Variants in TEX35 observed in about 807,000 individuals in gnomAD.
TEX35 encodes testis-expressed protein 35.
TEX35 carries 26 observed loss-of-function variants against 31.9 expected under a neutral mutation model. The ratio of observed to expected loss-of-function variants is 0.81; its 90% confidence interval spans 0.60 to 1.13. The LOEUF (loss-of-function observed/expected upper bound fraction) is 1.13. Among genes scored for constraint, TEX35 ranks in the 50% most tolerant of loss-of-function variants. TEX35 has a pLI of 0.00. For synonymous variants in TEX35, 87 were observed against 90.7 expected (o/e 0.96, Z 0.23); for missense variants, 278 against 273.5 (o/e 1.02, Z -0.12).
Position 178,513,930 on chromosome 1 carries a change from T to TG in TEX35, c.40-91dup, listed in dbSNP as rs1197954204. 4.2e-6 allele frequency: 6 copies of TG among 1,437,698 alleles called. No homozygotes were observed. In the African/African-American group the frequency reaches 4.2e-5, roughly 10 times the overall value. 89.1% of individuals were successfully genotyped at this position (1,437,698 alleles called of 1,614,324 possible). ...TTGGACAGGCAGGGTTGCATGGTTG[T>TG]GGGGGGCAGGGGGCAGGGTTCCCGT... is the stretch of plus-strand genomic sequence containing the variant. On this transcript the variant is annotated intron_variant, in intron 1 of 8. Transcript: ENST00000319416.
intron 8 of TEX35, chr1:178,521,664 C>T (rs1442943825): frequency 6.4e-7 from 1 of 1,552,124 alleles, no homozygotes; most frequent in Non-Finnish European, 8.7e-7. Flanking sequence ...TATGTGTTTC[C>T]AACCTAGCGC....
At chr1:178,517,921 T>C (rs1191905251) in intron 5 of TEX35, among the ~76,000 whole-genome samples, 2 of 152,224 alleles carry the variant, frequency 1.3e-5, no homozygotes, top group Admixed American at 1.3e-4. Flanking sequence ...TATTTAACTA[T>C]GTAAGATTTT....
intron 3 of TEX35, among the ~76,000 whole-genome samples, chr1:178,515,392 C>T (rs888126607): frequency 2.0e-5 from 3 of 152,146 alleles, no homozygotes; most frequent in African/African-American, 4.8e-5. Flanking sequence ...AGCCACTGCA[C>T]CTCGTCTGGG....
At chr1:178,516,540 T>A (rs926780894) in intron 4 of TEX35, 75 bp from the exon 5 acceptor site, 10 of 1,335,748 alleles carry the variant, frequency 7.5e-6, no homozygotes, top group Non-Finnish European at 1.1e-5. Context: ...TTGCTTAAAA[T>A]GCCTGAAAGA....
At chr1:178,522,712 T>C, downstream of TEX35, 4 of 1,085,090 alleles carry the variant, frequency 3.7e-6, no homozygotes, top group Non-Finnish European at 4.5e-6. Flanking sequence ...TGTATATATT[T>C]ATGGGGTACA....
At chr1:178,513,987 G>T in intron 1 of TEX35, 40 bp from the exon 2 acceptor site, 2 of 1,608,902 alleles carry the variant, frequency 1.2e-6, no homozygotes, top group Non-Finnish European at 1.7e-6. Context: ...CCCCAATCCT[G>T]ATGTCTGCCA....
At chr1:178,521,710 C>T (rs779569620) in intron 8 of TEX35, 2 of 1,551,866 alleles carry the variant, frequency 1.3e-6, no homozygotes, top group South Asian at 1.2e-5. Flanking sequence ...GATTCATCAC[C>T]TCCAAGCTCC....
chr1:178,522,522 T>C lies in TEX35; in HGVS notation c.*82T>C, dbSNP rs1650324598. 6 of 1,367,134 alleles carry C rather than the reference T, an allele frequency of 4.4e-6. No homozygotes were observed. The highest frequency in any genetic ancestry group is 4.8e-6 in the Non-Finnish European group (5 of 1,046,426). The allele number at this position is 1,367,134 out of a possible 1,614,324, so 84.7% of individuals were successfully genotyped here. A position where few individuals can be genotyped will look rare whatever the true frequency, so the allele number is the denominator to read the frequency against. On this transcript the variant is annotated 3_prime_UTR_variant, in exon 9 of 9. Transcript: ENST00000319416. ...AGAAACTGTCCTGCCCTGGGTGTGA[T>C]TCTTTGGCTTCAATTTGAAGGACGA... is the stretch of plus-strand genomic sequence containing the variant.
intron 3 of TEX35, among the ~76,000 whole-genome samples, chr1:178,515,119 A>ATT (rs1650028419): frequency 6.6e-6 from 1 of 151,966 alleles, no homozygotes; most frequent in Non-Finnish European, 1.5e-5. Context: ...TTTTTATTTT[A>ATT]TTTTTTGAGA....
downstream of TEX35, chr1:178,523,165 T>C: frequency 5.2e-6 from 3 of 581,406 alleles, no homozygotes; most frequent in East Asian, 3.1e-5. Context: ...AACTCAATTG[T>C]GTGTGTGTAC....
chr1:178,521,894 C>A, intron 8 of TEX35: 1 of 1,390,482 alleles, frequency 7.2e-7, no homozygotes, highest in Non-Finnish European at 9.5e-7. Flanking sequence ...CAGTGTATTT[C>A]AGACTCCAAC....
rs566453928 is a variant in TEX35, at chr1:178,520,885, C to A, written c.543+11C>A. On this transcript the variant is annotated intron_variant, in intron 7 of 8. Transcript: ENST00000319416. ...TGTGGGACCTGCTGCGTAAGTGAAACCCTGCCCGAGCCCAGCACTGGTGCC... is the reference window on the plus strand; with the variant it reads ...TGTGGGACCTGCTGCGTAAGTGAAAACCTGCCCGAGCCCAGCACTGGTGCC... The A allele has an allele frequency of 9.9e-6, 16 of 1,613,788 alleles. 1 individual carries two copies. The South Asian group carries it at 1.1e-4, about 11-fold the overall frequency.
At chr1:178,516,944 A>C (rs993771851) in intron 5 of TEX35, among the ~76,000 whole-genome samples, 3 of 152,246 alleles carry the variant, frequency 2.0e-5, no homozygotes, top group Non-Finnish European at 4.4e-5. Flanking sequence ...TGGGAAGCTT[A>C]ATGCAAATCT....
chr1:178,514,446 C>A (rs540526059), intron 2 of TEX35, among the ~76,000 whole-genome samples: 11 of 152,284 alleles, frequency 7.2e-5, no homozygotes, highest in Non-Finnish European at 1.3e-4. Flanking sequence ...TGCACTGAGG[C>A]CCAAGGTGGG....
chr1:178,520,564 G>A, intron 6 of TEX35, 109 bp from the exon 7 acceptor site: 1 of 1,596,134 alleles, frequency 6.3e-7, no homozygotes, highest in Non-Finnish European at 8.5e-7. Context: ...TACTGCCCCT[G>A]TGACTTGGAG....
downstream of TEX35, chr1:178,523,285 G>T: frequency 2.9e-6 from 2 of 701,450 alleles, no homozygotes; most frequent in South Asian, 1.5e-5. Context: ...TCAATATGCT[G>T]ATTTTCTTTC....
chr1:178,514,502 G>A (rs956224115), intron 2 of TEX35, among the ~76,000 whole-genome samples, 198 bp from the exon 3 acceptor site: 1 of 152,160 alleles, frequency 6.6e-6, no homozygotes, highest in South Asian at 2.1e-4. Flanking sequence ...AGGCCCCGTG[G>A]GCCAGCAGGG....
At chr1:178,516,710 C>T in intron 5 of TEX35, 36 bp downstream of exon 5, 1 of 1,486,378 alleles carries the variant, frequency 6.7e-7, no homozygotes, top group Non-Finnish European at 9.3e-7. Context: ...TGGGCCAGTA[C>T]CATACTGGAA....
intron 5 of TEX35, among the ~76,000 whole-genome samples, chr1:178,518,821 C>A (rs1650170197): frequency 2.6e-5 from 4 of 152,082 alleles, no homozygotes; most frequent in Admixed American, 2.6e-4. Context: ...TATGGAAAGG[C>A]ACAAAGGAGG....
Sources: gnomAD v4.1 joint callset for allele counts (sites outside exome capture counted in the v4.1 genomes callset) on GRCh38, gnomAD v4.1.1 for gene constraint, MANE v1.5 for transcripts, NCBI Gene and HGNC (gene_info 2026-07-23, HGNC 2026-07-21) for gene names.